The following CCDC158 variants were observed in gnomAD, a reference collection of about 807,000 sequenced individuals.
CCDC158 encodes the protein coiled-coil domain-containing protein 158.
In CCDC158, 116 loss-of-function variants were observed where a neutral mutation model predicts 138.6. The ratio of observed to expected loss-of-function variants is 0.84; its 90% confidence interval spans 0.72 to 0.98. The LOEUF (loss-of-function observed/expected upper bound fraction) is 0.98. Ranked by LOEUF, CCDC158 falls within the 50% of genes least tolerant of loss-of-function variation. The pLI is 0.00. For missense variants in CCDC158, 1,265 were observed against 1,306.1 expected, an observed-to-expected ratio of 0.97 and a Z score of 0.48; for synonymous variants, 436 against 442.4, an observed-to-expected ratio of 0.99 and a Z score of 0.18.
chr4:76,350,914 A>AT, intron 18 of CCDC158, 82 bp downstream of exon 18: 1 of 1,369,090 alleles, frequency 7.3e-7, no homozygotes. Context: ...TAGAGATATT[A>AT]TTTTTTAACG....
chr4:76,337,489 C>T (rs186960876), intron 18 of CCDC158, among the ~76,000 whole-genome samples: 56 of 152,026 alleles, frequency 3.7e-4, no homozygotes, highest in East Asian at 1.7e-3. Flanking sequence ...CCTAGCACTC[C>T]GGGAGGCCAA....
intron 9 of CCDC158, among the ~76,000 whole-genome samples, chr4:76,372,833 C>T (rs1362088037): frequency 6.6e-6 from 1 of 151,974 alleles, no homozygotes; most frequent in Non-Finnish European, 1.5e-5. Flanking sequence ...AAGTGCATGA[C>T]TGTTAATAGC....
At position 76,369,433 on chromosome 4, in the gene CCDC158, T is replaced by C; in HGVS notation, c.1340A>G (p.Glu447Gly). 2 of 1,614,064 alleles carry C rather than the reference T, an allele frequency of 1.2e-6. No individual in the cohort carries two copies. Among genetic ancestry groups the C allele is most frequent in the Non-Finnish European group, 1.7e-6 (2 of 1,180,004 alleles). Reference protein sequence around the residue: ...ALKSECQGQMERQMAAIQGKN... With the variant: ...ALKSECQGQMGRQMAAIQGKN... ...GCCTGTGCAGGCACTGACCTGCCGCTCCATCTGGCCCTGACACTCGCTCTT... is the reference window on the plus strand; with the variant it reads ...GCCTGTGCAGGCACTGACCTGCCGCCCCATCTGGCCCTGACACTCGCTCTT... Residue 447 changes from glutamate to glycine, a missense_variant, in exon 11 of 25, where the codon GAG becomes GGG. By Grantham distance (98) the Glu-to-Gly change is moderately conservative. Coordinates refer to ENST00000682701, the MANE Select transcript of CCDC158 (RefSeq NM_001394954.1).
At chr4:76,377,658 A>G (rs2110282113) in intron 9 of CCDC158, among the ~76,000 whole-genome samples, 1 of 152,306 alleles carries the variant, frequency 6.6e-6, no homozygotes, top group Middle Eastern at 3.4e-3. Context: ...CTAGAACATA[A>G]AAAGCAGGCT....
intron 9 of CCDC158, among the ~76,000 whole-genome samples, chr4:76,377,861 C>T (rs1429405742): frequency 6.6e-6 from 1 of 152,154 alleles, no homozygotes; most frequent in East Asian, 1.9e-4. Context: ...CGCAACCCCC[C>T]AATAAATTAT....
At chr4:76,349,534 T>G (rs981938904) in intron 18 of CCDC158, among the ~76,000 whole-genome samples, 1 of 152,148 alleles carries the variant, frequency 6.6e-6, no homozygotes, top group African/African-American at 2.4e-5. Flanking sequence ...CCAGGCGTGG[T>G]GGCACGCACC....
intron 1 of CCDC158, among the ~76,000 whole-genome samples, chr4:76,416,476 T>A (rs1367962600): frequency 6.6e-6 from 1 of 152,124 alleles, no homozygotes; most frequent in Non-Finnish European, 1.5e-5. Flanking sequence ...CCCAAGACCA[T>A]GGGAAAATGT....
chr4:76,398,429 G>A (rs1728027530), intron 3 of CCDC158, among the ~76,000 whole-genome samples: 1 of 152,120 alleles, frequency 6.6e-6, no homozygotes, highest in Admixed American at 6.5e-5. Context: ...CACTTTGGGA[G>A]GCCAAGGCAG....
chr4:76,361,922 G>C (rs570050330), intron 13 of CCDC158, among the ~76,000 whole-genome samples: 1 of 152,274 alleles, frequency 6.6e-6, no homozygotes, highest in Admixed American at 6.5e-5. Context: ...GCTGACTAAA[G>C]TTAAGGTCAG....
chr4:76,370,849 G>T (rs761699538), intron 10 of CCDC158, among the ~76,000 whole-genome samples: 1 of 152,166 alleles, frequency 6.6e-6, no homozygotes, highest in Non-Finnish European at 1.5e-5. Context: ...GCCTGCAAAG[G>T]ATGGCTTTAC....
intron 4 of CCDC158, among the ~76,000 whole-genome samples, chr4:76,387,078 G>A (rs955029420): frequency 6.6e-6 from 1 of 152,162 alleles, no homozygotes; most frequent in African/African-American, 2.4e-5. Context: ...GTGACCTAAG[G>A]AGACCCAAGC....
intron 6 of CCDC158, 58 bp downstream of exon 6, chr4:76,384,030 G>A (rs1235572306): frequency 2.5e-6 from 3 of 1,189,920 alleles, no homozygotes; most frequent in South Asian, 1.5e-5. Flanking sequence ...TACATCTAAT[G>A]CTATTCTCTT....
chr4:76,383,753 G>A lies in CCDC158; in HGVS notation c.727-15C>T, dbSNP rs754189723. 6.3e-6 allele frequency: 10 copies of A among 1,586,948 alleles called. No individual in the cohort carries two copies. The highest frequency in any genetic ancestry group is 8.7e-6 in the Non-Finnish European group (10 of 1,155,618). On this transcript the variant is annotated splice_polypyrimidine_tract_variant and intron_variant, in intron 6 of 24. Coordinates refer to ENST00000682701, the MANE Select transcript of CCDC158 (RefSeq NM_001394954.1). ...TGATCCTCTACCTGGTTTTTAAAAAGAGACACTGATTTAGTTACTGGTAAA... is the reference window on the plus strand; with the variant it reads ...TGATCCTCTACCTGGTTTTTAAAAAAAGACACTGATTTAGTTACTGGTAAA...
At chr4:76,344,104 C>T (rs1045669253) in intron 18 of CCDC158, among the ~76,000 whole-genome samples, 2 of 151,982 alleles carry the variant, frequency 1.3e-5, no homozygotes, top group Non-Finnish European at 2.9e-5. Context: ...TTTAGAAAAC[C>T]CTATCGCCTC....
At chr4:76,355,565 A>G (rs1454809192) in intron 14 of CCDC158, 129 bp from the exon 15 acceptor site, 2 of 696,432 alleles carry the variant, frequency 2.9e-6, no homozygotes, top group African/African-American at 1.8e-5. Context: ...GTTTCAAGGA[A>G]AAGATCATGG....
At chr4:76,397,877 A>G (rs1727971250) in intron 3 of CCDC158, among the ~76,000 whole-genome samples, 1 of 152,188 alleles carries the variant, frequency 6.6e-6, no homozygotes, top group South Asian at 2.1e-4. Context: ...AAAAGGAACA[A>G]GGGCTTCCTA....
intron 14 of CCDC158, 150 bp from the exon 15 acceptor site, chr4:76,355,586 T>C (rs1723470113): frequency 1.6e-6 from 1 of 628,094 alleles, no homozygotes; most frequent in African/African-American, 1.8e-5. Context: ...ACGAATGTCT[T>C]CGGTTTTTAT....
chr4:76,404,245 C>T (rs1728637661), intron 2 of CCDC158, among the ~76,000 whole-genome samples: 1 of 152,132 alleles, frequency 6.6e-6, no homozygotes, highest in East Asian at 1.9e-4. Context: ...AAAGAAAGTG[C>T]ATGGCAGAAG....
At position 76,357,506 on chromosome 4, in the gene CCDC158, T is replaced by C. The variant is rs780646116; in HGVS notation, c.2041A>G (p.Arg681Gly). The change falls in exon 14 of 25, where the codon AGG (arginine) becomes GGG (glycine). Residue 681 changes from arginine to glycine, a missense_variant. Transcript: ENST00000682701. ...NLSEEYEVLK[R>G]NFRNKSEEME... ...TCTTCACTTTTGTTTCGGAAATTCC[T>C]TTTTAAGACTTCATACTCCTCTATA... The C allele has an allele frequency of 1.9e-6, 3 of 1,591,072 alleles. No homozygotes were observed. In the African/African-American group the frequency reaches 4.0e-5, roughly 21 times the overall value.
Sources: gnomAD v4.1 joint callset for allele counts (sites outside exome capture counted in the v4.1 genomes callset) on GRCh38, gnomAD v4.1.1 for gene constraint, MANE v1.5 for transcripts, NCBI Gene and HGNC (gene_info 2026-07-23, HGNC 2026-07-21) for gene names.